Variants in SLC6A2 observed in about 807,000 individuals in gnomAD.
SLC6A2 encodes solute carrier family 6 member 2, also known as sodium-dependent noradrenaline transporter.
Under a neutral mutation model 71.7 loss-of-function variants are expected in SLC6A2, and 26 were observed. The observed-to-expected ratio is 0.36, with a 90% confidence interval of 0.27 to 0.50. The LOEUF (loss-of-function observed/expected upper bound fraction) is 0.50. SLC6A2 is among the 20% of genes least tolerant of loss of function. The pLI is 0.96. For synonymous variants in SLC6A2, 363 were observed against 337.9 expected (o/e 1.07, Z -0.82); for missense variants, 581 against 803.9 (o/e 0.72, Z 3.35).
Position 55,659,106 on chromosome 16 carries a change from G to C in SLC6A2, c.274+2138G>C, listed in dbSNP as rs1296875202. Reference sequence around the variant, plus strand: ...TGTCATTAATCAGTAATATTTTTCTGGTTCCTCTTGGCGTGAGGCACAATG... The same window carrying C: ...TGTCATTAATCAGTAATATTTTTCTCGTTCCTCTTGGCGTGAGGCACAATG... On this transcript the variant is annotated intron_variant, in intron 2 of 14. Transcript: ENST00000568943. Among the ~76,000 whole-genome samples the C allele has an allele frequency of 2.6e-5, 4 of 152,066 alleles. No individual in the cohort carries two copies. In the East Asian group the frequency reaches 7.7e-4, roughly 29 times the overall value.
rs374968647 is a variant in SLC6A2, at chr16:55,685,169, G to A, written c.671G>A (p.Ser224Asn). 6.2e-7 allele frequency: 1 copy of A among 1,614,064 alleles called. No individual in the cohort carries two copies. The highest frequency in any genetic ancestry group is 1.3e-5 in the African/African-American group (1 of 74,930). ...YERGVLHLHE[S>N]SGIHDIGLPQ... ...CGTGGTGTCCTGCACCTTCACGAGA[G>A]CAGCGGGATTCATGACATCGGCCTG... The change falls in exon 5 of 15, where the codon AGC (serine) becomes AAC (asparagine). Residue 224 changes from serine (S) to asparagine (N), a missense_variant. Coordinates refer to ENST00000568943, the MANE Select transcript of SLC6A2 (RefSeq NM_001172501.3).
chr16:55,697,219 T>A (rs533787866), intron 9 of SLC6A2, among the ~76,000 whole-genome samples: 1 of 152,282 alleles, frequency 6.6e-6, no homozygotes, highest in South Asian at 2.1e-4. Flanking sequence ...AGCAGGGAGT[T>A]GAGAAGGATT....
At chr16:55,661,936 G>C (rs1964621101) in intron 2 of SLC6A2, among the ~76,000 whole-genome samples, 1 of 152,204 alleles carries the variant, frequency 6.6e-6, no homozygotes, top group Non-Finnish European at 1.5e-5. Flanking sequence ...CAGAGGTCAG[G>C]AGTCTGCAAA....
intron 4 of SLC6A2, among the ~76,000 whole-genome samples, chr16:55,682,523 A>G (rs1256579692): frequency 2.6e-5 from 4 of 152,246 alleles, no homozygotes; most frequent in Admixed American, 6.5e-5. Context: ...TTCTAATCCT[A>G]TGATCTCTCA....
intron 4 of SLC6A2, among the ~76,000 whole-genome samples, chr16:55,682,038 C>T (rs537660740): frequency 6.6e-6 from 1 of 152,298 alleles, no homozygotes; most frequent in African/African-American, 2.4e-5. Flanking sequence ...TCCCAAGTAG[C>T]TGGGATTACA....
At position 55,701,883 on chromosome 16, in the gene SLC6A2, G is replaced by T. The variant is rs5560; in HGVS notation, c.1779G>T (p.Thr593=). The T allele has an allele frequency of 1.2e-5, 20 of 1,613,990 alleles. No homozygotes were observed. The highest frequency in any genetic ancestry group is 1.7e-5 in the Admixed American group (1 of 60,028). Residue 593 remains threonine, a synonymous_variant, in exon 14 of 15, where the codon ACG becomes ACT. Coordinates refer to ENST00000568943, the MANE Select transcript of SLC6A2 (RefSeq NM_001172501.3). ...SLWERLAYGI[T]PENEHHLVAQ... ...TTCAGAGACTGGCCTATGGCATCACGCCAGAGAACGAGCACCACCTGGTGG... is the reference window on the plus strand; with the variant it reads ...TTCAGAGACTGGCCTATGGCATCACTCCAGAGAACGAGCACCACCTGGTGG...
intron 8 of SLC6A2, 55 bp downstream of exon 8, chr16:55,695,457 C>A: frequency 6.2e-7 from 1 of 1,602,884 alleles, no homozygotes; most frequent in Non-Finnish European, 8.5e-7. Flanking sequence ...CTGAGAAGCC[C>A]ACCTTATTCT....
chr16:55,675,263 A>C (rs1363677460), intron 4 of SLC6A2, among the ~76,000 whole-genome samples: 1 of 152,184 alleles, frequency 6.6e-6, no homozygotes, highest in Non-Finnish European at 1.5e-5. Flanking sequence ...CAATCCCTAC[A>C]CAAACATGCT....
In SLC6A2 at chr16:55,656,403, A is replaced by C. The variant is rs1964448330; in HGVS notation, c.-52+234A>C. On this transcript the variant is annotated intron_variant, in intron 1 of 14. Transcript: ENST00000568943. This position sits in a 1 kb window ranked among gnomAD's most constrained non-coding sequence, Gnocchi z 4.5. ...GCAGGCGAGAGTGGGTGAACGAGGA[A>C]AAGTGCTGCAGGGTCTTCAGCCGCC... 3 of 515,634 alleles carry C rather than the reference A, an allele frequency of 5.8e-6. No homozygotes were observed. Among genetic ancestry groups the C allele is most frequent in the Non-Finnish European group, 7.0e-6 (2 of 284,112 alleles). The allele number at this position is 515,634 out of a possible 1,614,324, so 31.9% of individuals were successfully genotyped here.
chr16:55,701,303 G>A (rs879379919), intron 13 of SLC6A2, among the ~76,000 whole-genome samples: 8 of 152,208 alleles, frequency 5.3e-5, no homozygotes, highest in Non-Finnish European at 1.0e-4. Flanking sequence ...GGGAGGATCA[G>A]TGTTCAGTGA....
chr16:55,677,029 C>A (rs544619410), intron 4 of SLC6A2, among the ~76,000 whole-genome samples: 5 of 152,312 alleles, frequency 3.3e-5, no homozygotes, highest in Middle Eastern at 3.4e-3. Flanking sequence ...GCTCCCCCTG[C>A]AATTCTAACA....
chr16:55,701,855 C>T lies in SLC6A2; in HGVS notation c.1759-8C>T, dbSNP rs1965980648. ...AGCTGAGGCCTCCTCCCCTTCTCTT[C>T]CTTTCAGAGACTGGCCTATGGCATC... On this transcript the variant is annotated splice_polypyrimidine_tract_variant and splice_region_variant and intron_variant, in intron 13 of 14. Coordinates refer to ENST00000568943, the MANE Select transcript of SLC6A2 (RefSeq NM_001172501.3). The T allele has an allele frequency of 6.2e-7, 1 of 1,613,030 alleles. No individual in the cohort carries two copies. The highest frequency in any genetic ancestry group is 1.7e-5 in the Admixed American group (1 of 60,012).
intron 2 of SLC6A2, 48 bp downstream of exon 2, chr16:55,657,016 C>T: frequency 1.3e-6 from 2 of 1,597,250 alleles, no homozygotes; most frequent in South Asian, 1.1e-5. Flanking sequence ...GGTCCACTGT[C>T]TGCAGCGGTG....
chr16:55,696,876 C>T (rs1291746619), intron 9 of SLC6A2, among the ~76,000 whole-genome samples: 1 of 151,990 alleles, frequency 6.6e-6, no homozygotes, highest in Non-Finnish European at 1.5e-5. Context: ...CCTAGCTACT[C>T]AGGAGGCTGA....
chr16:55,697,042 C>T (rs1328070730), intron 9 of SLC6A2, among the ~76,000 whole-genome samples: 4 of 152,168 alleles, frequency 2.6e-5, no homozygotes, highest in African/African-American at 4.8e-5. Context: ...TAGTTTCTTA[C>T]ATCCTTTTAT....
At chr16:55,682,494 G>C (rs751997673) in intron 4 of SLC6A2, among the ~76,000 whole-genome samples, 2 of 152,270 alleles carry the variant, frequency 1.3e-5, no homozygotes, top group Admixed American at 1.3e-4. Context: ...AGCAAGAAAG[G>C]CTGGGAGCAT....
chr16:55,657,849 G>C (rs1450466159), intron 2 of SLC6A2, among the ~76,000 whole-genome samples: 1 of 152,174 alleles, frequency 6.6e-6, no homozygotes, highest in Non-Finnish European at 1.5e-5. Flanking sequence ...CCCCGGGCCA[G>C]GGAAGCGGTC....
Position 55,702,821 on chromosome 16 carries a change from G to A in SLC6A2, c.*475G>A. The A allele has an allele frequency of 9.6e-7, 1 of 1,045,728 alleles. No homozygotes were observed. The highest frequency in any genetic ancestry group is 5.0e-5 in the Admixed American group (1 of 20,170). 64.8% of individuals were successfully genotyped at this position (1,045,728 alleles called of 1,614,324 possible). A position where few individuals can be genotyped will look rare whatever the true frequency, so the allele number is the denominator to read the frequency against. On this transcript the variant is annotated 3_prime_UTR_variant, in exon 15 of 15. Coordinates refer to ENST00000568943, the MANE Select transcript of SLC6A2 (RefSeq NM_001172501.3). ...TGAGTTTAGTGGGGTGGTTGGGGAAGGTACATAGACCCTCCTCTTGCCCAC... is the reference window on the plus strand; with the variant it reads ...TGAGTTTAGTGGGGTGGTTGGGGAAAGTACATAGACCCTCCTCTTGCCCAC...
At chr16:55,671,694 T>C (rs763892802) in intron 3 of SLC6A2, 18 of 717,522 alleles carry the variant, frequency 2.5e-5, no homozygotes, top group Non-Finnish European at 3.4e-5. Context: ...CTTATGAGAA[T>C]CTAACTAACG....
Sources: allele counts gnomAD v4.1 joint callset (sites outside exome capture counted in the v4.1 genomes callset), GRCh38; gene constraint gnomAD v4.1.1; non-coding constraint Gnocchi (gnomAD v3.1); transcripts MANE v1.5; gene names NCBI Gene and HGNC (gene_info 2026-07-23, HGNC 2026-07-21).